The following GMEB1 variants were observed in gnomAD, a reference collection of about 807,000 sequenced individuals.
GMEB1 encodes glucocorticoid modulatory element binding protein 1, also known as glucocorticoid modulatory element-binding protein 1.
In GMEB1, 6 loss-of-function variants were observed where a neutral mutation model predicts 52.4. That is an observed-to-expected ratio of 0.11 (90% confidence interval 0.06 to 0.23). The LOEUF is 0.23. GMEB1 is among the 10% of genes least tolerant of loss of function. The pLI is 1.00. For missense variants in GMEB1, 486 were observed against 685.6 expected, an observed-to-expected ratio of 0.71 and a Z score of 3.25; for synonymous variants, 255 against 244.9, an observed-to-expected ratio of 1.04 and a Z score of -0.38.
In GMEB1 at chr1:28,714,135, A is replaced by C; in HGVS notation, c.1054A>C (p.Thr352Pro). The C allele has an allele frequency of 6.2e-7, 1 of 1,614,156 alleles. No individual in the cohort carries two copies. The highest frequency in any genetic ancestry group is 1.1e-5 in the South Asian group (1 of 91,082). The change falls in exon 10 of 10, where the codon ACA (threonine) becomes CCA (proline). Residue 352 changes from threonine (T) to proline (P), a missense_variant. By Grantham distance (38) the Thr-to-Pro change is conservative. Transcript: ENST00000373816. ...QGQDHRLKSQ[T>P]VQNVVLMPVS... ...CCAGGATCACAGGCTGAAATCTCAG[A>C]CAGTTCAAAATGTGGTACTGATGCC...
intron 1 of GMEB1, among the ~76,000 whole-genome samples, chr1:28,682,907 C>G (rs759101836): frequency 3.9e-5 from 6 of 152,130 alleles, no homozygotes; most frequent in Non-Finnish European, 5.9e-5. Flanking sequence ...TAGTGCTTGT[C>G]AATTTCGGGT....
At chr1:28,670,940 G>A (rs1340529972) in intron 1 of GMEB1, among the ~76,000 whole-genome samples, 3 of 152,152 alleles carry the variant, frequency 2.0e-5, no homozygotes, top group African/African-American at 7.2e-5. Flanking sequence ...TGTGGGGGCA[G>A]TATTTTGGTC....
At chr1:28,696,056 A>G (rs1252690988) in intron 5 of GMEB1, among the ~76,000 whole-genome samples, 2 of 142,388 alleles carry the variant, frequency 1.4e-5, no homozygotes, top group Non-Finnish European at 3.1e-5. Context: ...TTGTTTATTT[A>G]TTTATTTATT....
chr1:28,710,431 C>G, intron 8 of GMEB1, 89 bp from the exon 9 acceptor site: 3 of 978,246 alleles, frequency 3.1e-6, no homozygotes, highest in Non-Finnish European at 4.3e-6. Flanking sequence ...CCCATAATTT[C>G]TGGTTGTTTC....
At position 28,714,980 on chromosome 1, in the gene GMEB1, T is replaced by C. The variant is rs12117693; in HGVS notation, c.*207T>C. 1 of 557,402 alleles carries C rather than the reference T, an allele frequency of 1.8e-6. No individual in the cohort carries two copies. Among genetic ancestry groups the C allele is most frequent in the Admixed American group, 3.1e-5 (1 of 32,096 alleles). The allele number at this position is 557,402 out of a possible 1,614,324, so 34.5% of individuals were successfully genotyped here. ...AAGCTGCCCTTCCAGAAGTTGAGAG[T>C]AGGTCATTCAATGTCCTAATCATCT... On this transcript the variant is annotated 3_prime_UTR_variant, in exon 10 of 10. Coordinates refer to ENST00000373816, the MANE Select transcript of GMEB1 (RefSeq NM_001319674.2).
intron 1 of GMEB1, among the ~76,000 whole-genome samples, chr1:28,669,348 G>A (rs1036313556): frequency 6.6e-6 from 1 of 152,060 alleles, no homozygotes; most frequent in African/African-American, 2.4e-5. Context: ...GCTGGTTGGA[G>A]GCCTGGGTCC....
At chr1:28,709,372 T>C (rs1215824663) in intron 8 of GMEB1, among the ~76,000 whole-genome samples, 2 of 152,266 alleles carry the variant, frequency 1.3e-5, no homozygotes, top group East Asian at 1.9e-4. Flanking sequence ...ACTTAAAATA[T>C]ATTTCTAATC....
At chr1:28,707,927 C>A (rs1310582782) in intron 8 of GMEB1, among the ~76,000 whole-genome samples, 1 of 150,658 alleles carries the variant, frequency 6.6e-6, no homozygotes, top group Non-Finnish European at 1.5e-5. Context: ...GAGACAGGGT[C>A]TTGCTCTGTC....
chr1:28,714,338 G>C lies in GMEB1; in HGVS notation c.1257G>C (p.Gln419His), dbSNP rs938333673. 1.9e-6 allele frequency: 3 copies of C among 1,614,202 alleles called. No homozygotes were observed. The highest frequency in any genetic ancestry group is 2.5e-6 in the Non-Finnish European group (3 of 1,180,032). Reference sequence around the variant, plus strand: ...ATATTCCAGTGGCCACCCTCAGCCAGGGCTCCAGTCCTGTGACTGTCCACA... The same window carrying C: ...ATATTCCAGTGGCCACCCTCAGCCACGGCTCCAGTCCTGTGACTGTCCACA... ...MGNIPVATLS[Q>H]GSSPVTVHTL... Residue 419 changes from glutamine to histidine, a missense_variant, in exon 10 of 10, where the codon CAG becomes CAC. Around this residue, in one of 5 missense-constraint regions of GMEB1, gnomAD observed 153 missense variants for 200.8 expected, o/e 0.76. Coordinates refer to ENST00000373816, the MANE Select transcript of GMEB1 (RefSeq NM_001319674.2).
Position 28,690,201 on chromosome 1 carries a change from GTGT to G in GMEB1, c.211+17_211+19del, listed in dbSNP as rs1209087160. 132 of 582,914 alleles carry G rather than the reference GTGT, an allele frequency of 2.3e-4. No homozygotes were observed. In the African/African-American group the frequency reaches 3.5e-3, roughly 15 times the overall value. The allele number at this position is 582,914 out of a possible 1,614,324, so 36.1% of individuals were successfully genotyped here. A position where few individuals can be genotyped will look rare whatever the true frequency, so the allele number is the denominator to read the frequency against. ...AGAAGGGATTGGTAAGGGTTTTTTT[GTGT>G]TTTTTTTTTTTTTTTTTTTTGTCAT... On this transcript the variant is annotated intron_variant, in intron 3 of 9. Transcript: ENST00000373816.
intron 1 of GMEB1, among the ~76,000 whole-genome samples, chr1:28,676,719 C>T (rs567009799): frequency 2.8e-4 from 37 of 130,626 alleles, no homozygotes; most frequent in African/African-American, 4.8e-4. Flanking sequence ...AGCAAGACTC[C>T]GTCTCAAAAA....
At chr1:28,697,918 T>C (rs1670303701) in intron 6 of GMEB1, among the ~76,000 whole-genome samples, 1 of 152,010 alleles carries the variant, frequency 6.6e-6, no homozygotes, top group African/African-American at 2.4e-5. Flanking sequence ...GGCAGGCGGA[T>C]CACGAGGTCA....
rs775152143 is a variant in GMEB1, at chr1:28,714,821, T to C, written c.*48T>C. On this transcript the variant is annotated 3_prime_UTR_variant, in exon 10 of 10. Transcript: ENST00000373816. ...TTATGTTTTGATTTGGAATTTTAAT[T>C]ATTTGTTTATTTTTATCATTGTCCC... The C allele has an allele frequency of 1.9e-5, 24 of 1,279,862 alleles. No homozygotes were observed. Among genetic ancestry groups the C allele is most frequent in the Non-Finnish European group, 2.6e-5 (24 of 906,218 alleles). 79.3% of individuals were successfully genotyped at this position (1,279,862 alleles called of 1,614,324 possible). A position where few individuals can be genotyped will look rare whatever the true frequency, so the allele number is the denominator to read the frequency against.
chr1:28,670,008 C>A (rs980724089), intron 1 of GMEB1, among the ~76,000 whole-genome samples: 3 of 152,102 alleles, frequency 2.0e-5, no homozygotes, highest in Admixed American at 2.0e-4. Flanking sequence ...CTAGTAGACA[C>A]AGATGGGGCC....
At chr1:28,692,283 G>C (rs1670003456) in intron 4 of GMEB1, among the ~76,000 whole-genome samples, 1 of 152,092 alleles carries the variant, frequency 6.6e-6, no homozygotes, top group Non-Finnish European at 1.5e-5. Context: ...TGTAATCCCA[G>C]CACTTTGGGA....
At chr1:28,678,462 A>G (rs924824042) in intron 1 of GMEB1, among the ~76,000 whole-genome samples, 4 of 151,856 alleles carry the variant, frequency 2.6e-5, no homozygotes, top group Non-Finnish European at 4.4e-5. Flanking sequence ...GGGGCCCGCC[A>G]TCGCGCCTGG....
rs1671312708 is a variant in GMEB1 at position 28,717,849 on chromosome 1, G to C, written c.*3076G>C. 6.6e-6 allele frequency: 1 copy of C among 152,132 alleles called. No homozygotes were observed. The highest frequency in any genetic ancestry group is 1.5e-5 in the Non-Finnish European group (1 of 68,038). The allele number at this position is 152,132 out of a possible 1,614,324, so 9.4% of individuals were successfully genotyped here. A position where few individuals can be genotyped will look rare whatever the true frequency, so the allele number is the denominator to read the frequency against. On this transcript the variant is annotated 3_prime_UTR_variant, in exon 10 of 10. Coordinates refer to ENST00000373816, the MANE Select transcript of GMEB1 (RefSeq NM_001319674.2). Reference sequence around the variant, plus strand: ...CGTGAATACCAACGTGCTAGCTCAGGTTCCCTTCTTTCCTCCATCAGAGCT... The same window carrying C: ...CGTGAATACCAACGTGCTAGCTCAGCTTCCCTTCTTTCCTCCATCAGAGCT...
intron 3 of GMEB1, 21 bp downstream of exon 3, chr1:28,690,207 T>TG (rs749636563): frequency 1.4e-5 from 14 of 971,624 alleles, no homozygotes; most frequent in Admixed American, 5.3e-5. Flanking sequence ...TTTTGTGTTT[T>TG]TTTTTTTTTT....
chr1:28,687,377 C>CAAAAAAAAAAAAAAAAAAA (rs1260455703), intron 2 of GMEB1, among the ~76,000 whole-genome samples: 1 of 14,792 alleles, frequency 6.8e-5, no homozygotes, highest in African/African-American at 1.9e-4. Context: ...CACACACACA[C>CAAAAAAAAAAAAAAAAAAA]ACACACACAC....
Sources: allele counts gnomAD v4.1 joint callset (sites outside exome capture counted in the v4.1 genomes callset), GRCh38; gene constraint gnomAD v4.1.1; regional missense constraint gnomAD v4.1.1; transcripts MANE v1.5; gene names NCBI Gene and HGNC (gene_info 2026-07-23, HGNC 2026-07-21).